Variants in CMSS1 observed in about 807,000 individuals in gnomAD.
The protein encoded by CMSS1 is protein CMSS1.
In CMSS1, 33 loss-of-function variants were observed where a neutral mutation model predicts 43.5. The ratio of observed to expected loss-of-function variants is 0.76; its 90% CI spans 0.57 to 1.01. CMSS1 has a LOEUF of 1.01. CMSS1 is among the 50% of genes least tolerant of loss of function. The probability of loss-of-function intolerance (pLI) is 0.00; values close to 1 mark genes in which losing one functional copy is unlikely to be tolerated. For missense variants in CMSS1, 313 were observed against 326.4 expected (o/e 0.96, Z 0.32); for synonymous variants, 115 against 117.2 (o/e 0.98, Z 0.12).
chr3:99,965,425 C>T (rs1235857879), intron 1 of CMSS1, among the ~76,000 whole-genome samples: 1 of 152,132 alleles, frequency 6.6e-6, no homozygotes, highest in Non-Finnish European at 1.5e-5. Flanking sequence ...TGTGGATGTA[C>T]CAGCATGTTC....
At chr3:100,117,750 CT>C (rs35951604) in intron 1 of CMSS1, among the ~76,000 whole-genome samples, 114 of 137,326 alleles carry the variant, frequency 8.3e-4, no homozygotes, top group Non-Finnish European at 9.6e-4. Context: ...AACAGATACA[CT>C]TTTTTTTTTT....
At chr3:100,102,295 T>G (rs556883923) in intron 1 of CMSS1, among the ~76,000 whole-genome samples, 124 of 152,298 alleles carry the variant, frequency 8.1e-4, no homozygotes, top group African/African-American at 2.8e-3. Context: ...GTTTCCTGAC[T>G]TTTTAATGAT....
At chr3:100,016,026 G>A (rs1191982099) in intron 1 of CMSS1, among the ~76,000 whole-genome samples, 1 of 152,024 alleles carries the variant, frequency 6.6e-6, no homozygotes, top group African/African-American at 2.4e-5. Context: ...AACATGTGCT[G>A]ACCATAATTT....
intron 9 of CMSS1, among the ~76,000 whole-genome samples, chr3:100,177,835 T>C (rs1374838278): frequency 6.6e-6 from 1 of 151,984 alleles, no homozygotes; most frequent in East Asian, 1.9e-4. Flanking sequence ...ATAATAATAA[T>C]AGGCCAGGCA....
At chr3:99,939,063 G>A (rs1028546308) in intron 1 of CMSS1, among the ~76,000 whole-genome samples, 1 of 152,082 alleles carries the variant, frequency 6.6e-6, no homozygotes, top group African/African-American at 2.4e-5. Context: ...TTTAGACAAG[G>A]GATTGGAAAG....
chr3:99,836,912 C>A (rs1942922885), intron 1 of CMSS1, among the ~76,000 whole-genome samples: 1 of 152,198 alleles, frequency 6.6e-6, no homozygotes, highest in African/African-American at 2.4e-5. Flanking sequence ...GGCACAGAGC[C>A]ATGCAGTAAG....
intron 1 of CMSS1, among the ~76,000 whole-genome samples, chr3:100,122,980 A>T (rs1268352785): frequency 6.6e-6 from 1 of 152,238 alleles, no homozygotes; most frequent in African/African-American, 2.4e-5. Flanking sequence ...CATGTCCACT[A>T]TGTCCAGGCA....
At chr3:99,997,592 G>C (rs1030535045) in intron 1 of CMSS1, among the ~76,000 whole-genome samples, 7 of 152,194 alleles carry the variant, frequency 4.6e-5, no homozygotes, top group Admixed American at 2.0e-4. Context: ...GATGGTAGGG[G>C]CAGGGTGGGA....
At chr3:100,021,540 C>T (rs544858662) in intron 1 of CMSS1, among the ~76,000 whole-genome samples, 54 of 152,234 alleles carry the variant, frequency 3.5e-4, no homozygotes, top group Admixed American at 3.3e-4. Flanking sequence ...AGAACAGAGT[C>T]AAGAAAGGAG....
intron 1 of CMSS1, among the ~76,000 whole-genome samples, chr3:99,901,688 C>T (rs1706443059): frequency 6.6e-6 from 1 of 152,164 alleles, no homozygotes; most frequent in Non-Finnish European, 1.5e-5. Context: ...TTGTGTAACT[C>T]TACTCTCAGC....
intron 1 of CMSS1, among the ~76,000 whole-genome samples, chr3:99,820,416 T>G (rs1942413298): frequency 6.6e-6 from 1 of 151,976 alleles, no homozygotes; most frequent in Non-Finnish European, 1.5e-5. Flanking sequence ...AGGCTGGTCT[T>G]GAGCTCCTGA....
At chr3:100,075,032 G>A (rs1576024366) in intron 1 of CMSS1, among the ~76,000 whole-genome samples, 1 of 151,254 alleles carries the variant, frequency 6.6e-6, no homozygotes, top group East Asian at 1.9e-4. Context: ...ATAAACCTTT[G>A]TTTGTATAAA....
chr3:99,859,729 T>C (rs925618041), intron 1 of CMSS1, among the ~76,000 whole-genome samples: 5 of 152,012 alleles, frequency 3.3e-5, no homozygotes, highest in African/African-American at 1.2e-4. Context: ...GTTTGCAGAG[T>C]AATTACATGG....
intron 1 of CMSS1, among the ~76,000 whole-genome samples, chr3:100,112,754 A>G (rs2066512108): frequency 6.6e-6 from 1 of 152,228 alleles, no homozygotes; most frequent in Non-Finnish European, 1.5e-5. Context: ...CCAGGTGGAA[A>G]GAGCCCATGA....
At chr3:99,886,519 C>T (rs937894477) in intron 1 of CMSS1, among the ~76,000 whole-genome samples, 14 of 152,020 alleles carry the variant, frequency 9.2e-5, no homozygotes, top group African/African-American at 3.4e-4. Flanking sequence ...CCATGGACCA[C>T]GGCTTGGACA....
rs567655567 is a variant in CMSS1 at position 100,165,724 on chromosome 3, G to A, written c.356-611G>A. 1.1e-4 allele frequency among the ~76,000 whole-genome samples: 17 copies of A among 152,182 alleles called. No homozygotes were observed. The South Asian group carries it at 3.5e-3, about 32-fold the overall frequency. Reference sequence around the variant, plus strand: ...AATGTCAGGATGAATATCCTTGTGTGTGTACCTTAATAGACCATGCAAGAA... The same window carrying A: ...AATGTCAGGATGAATATCCTTGTGTATGTACCTTAATAGACCATGCAAGAA... On this transcript the variant is annotated intron_variant, in intron 4 of 9. Coordinates refer to ENST00000421999, the MANE Select transcript of CMSS1 (RefSeq NM_032359.4).
chr3:100,023,828 C>T (rs1217437636), intron 1 of CMSS1, among the ~76,000 whole-genome samples: 1 of 152,194 alleles, frequency 6.6e-6, no homozygotes, highest in Admixed American at 6.6e-5. Flanking sequence ...TGTTCTCCTT[C>T]ACAGTGCTCA....
intron 1 of CMSS1, among the ~76,000 whole-genome samples, chr3:99,858,612 T>C (rs542112409): frequency 6.6e-6 from 1 of 152,392 alleles, no homozygotes; most frequent in East Asian, 1.9e-4. Context: ...CTGCAACTAA[T>C]GTCTGGCTTA....
rs367996167 is a variant in CMSS1, at chr3:99,824,882, G to T, written c.64+6839G>T. 1.5e-4 allele frequency among the ~76,000 whole-genome samples: 23 copies of T among 152,314 alleles called. No individual in the cohort carries two copies. In the East Asian group the frequency reaches 2.9e-3, roughly 19 times the overall value. The stretch of plus-strand genomic sequence containing the variant: ...ATTCTTTTTGAGATTGCTGAAATGA[G>T]CTTTGTAAATATTTTTGTTGTAATA... On this transcript the variant is annotated intron_variant, in intron 1 of 9. Transcript: ENST00000421999.
Sources: allele counts gnomAD v4.1 joint callset (sites outside exome capture counted in the v4.1 genomes callset), GRCh38; gene constraint gnomAD v4.1.1; transcripts MANE v1.5; gene names NCBI Gene and HGNC (gene_info 2026-07-23, HGNC 2026-07-21).